Variants in FRAS1 observed in about 807,000 individuals in gnomAD.
The protein encoded by FRAS1 is extracellular matrix organizing protein FRAS1.
FRAS1 carries 290 observed loss-of-function variants against 435.2 expected under a neutral mutation model. That is an observed-to-expected ratio of 0.67 (90% confidence interval 0.61 to 0.73). The LOEUF (loss-of-function observed/expected upper bound fraction) is 0.73. FRAS1 is among the 30% of genes least tolerant of loss of function. The pLI, the probability that FRAS1 is intolerant of heterozygous loss-of-function variation, is 0.00. For missense variants in FRAS1, 4,860 were observed against 5,001.5 expected (o/e 0.97, Z 0.85); for synonymous variants, 1,800 against 1,851.0 (o/e 0.97, Z 0.71).
In FRAS1 at chr4:78,354,801, A is replaced by C. The variant is rs148927489; in HGVS notation, c.2423-8712A>C. 3.7e-3 allele frequency among the ~76,000 whole-genome samples: 561 copies of C among 152,354 alleles called. 9 individuals are homozygous for C. Among genetic ancestry groups the C allele is most frequent in the African/African-American group, 0.013 (530 of 41,578 alleles). ...ATCAGCTAAGGAGTCACTGCTCCATAAAACCAACATCCAAAGCCATTGCGT... is the reference window on the plus strand; with the variant it reads ...ATCAGCTAAGGAGTCACTGCTCCATCAAACCAACATCCAAAGCCATTGCGT... On this transcript the variant is annotated intron_variant, in intron 20 of 73. Coordinates refer to ENST00000512123, the MANE Select transcript of FRAS1 (RefSeq NM_025074.7).
chr4:78,473,998 AG>A (rs200288923), intron 53 of FRAS1, among the ~76,000 whole-genome samples: 3,759 of 152,300 alleles, frequency 0.025, 73 homozygotes, highest in Middle Eastern at 0.037. Flanking sequence ...TGTCTCTTCA[AG>A]TTTTAGAAGA....
chr4:78,288,918 C>T (rs899174329), intron 14 of FRAS1, among the ~76,000 whole-genome samples: 3 of 152,150 alleles, frequency 2.0e-5, no homozygotes, highest in Non-Finnish European at 4.4e-5. Context: ...CTAAACTTTT[C>T]AAAAAGAAGC....
chr4:78,427,526 G>A (rs913495695), intron 35 of FRAS1, among the ~76,000 whole-genome samples: 2 of 152,206 alleles, frequency 1.3e-5, no homozygotes, highest in East Asian at 1.9e-4. Context: ...AGAGACATCA[G>A]AGCATCCTGA....
At position 78,540,514 on chromosome 4, in the gene FRAS1, G is replaced by T. The variant is rs754232253; in HGVS notation, c.11446-17G>T. The T allele has an allele frequency of 2.7e-6, 4 of 1,465,258 alleles. No homozygotes were observed. Among genetic ancestry groups the T allele is most frequent in the South Asian group, 3.1e-5 (2 of 64,638 alleles). The allele number at this position is 1,465,258 out of a possible 1,614,324, so 90.8% of individuals were successfully genotyped here. A position where few individuals can be genotyped will look rare whatever the true frequency, so the allele number is the denominator to read the frequency against. ...GTCTGTGGGCAACAACAACATGTTC[G>T]GTTTGTCCCCCTGCAGGTGGAAGCA... On this transcript the variant is annotated splice_polypyrimidine_tract_variant and intron_variant, in intron 73 of 73. Transcript: ENST00000512123.
chr4:78,135,137 G>C (rs1230075211), intron 2 of FRAS1, among the ~76,000 whole-genome samples: 2 of 152,076 alleles, frequency 1.3e-5, no homozygotes, highest in African/African-American at 4.8e-5. Context: ...ACTTCCCCCT[G>C]CACTTGCAAA....
intron 2 of FRAS1, among the ~76,000 whole-genome samples, chr4:78,172,014 A>T (rs779207369): frequency 1.3e-5 from 2 of 152,114 alleles, no homozygotes; most frequent in African/African-American, 4.8e-5. Flanking sequence ...TCTTTACCTT[A>T]AATGCCTTTT....
intron 2 of FRAS1, among the ~76,000 whole-genome samples, chr4:78,214,878 C>T (rs2866993): frequency 0.64 from 97,295 of 152,002 alleles, 31,754 homozygotes; most frequent in South Asian, 0.84. Context: ...GGGACAAAAA[C>T]CAGCCTTCTT....
chr4:78,185,536 G>A (rs780405137), intron 2 of FRAS1, among the ~76,000 whole-genome samples: 2 of 152,034 alleles, frequency 1.3e-5, no homozygotes, highest in Non-Finnish European at 2.9e-5. Context: ...TTGAATATGA[G>A]TATTTTTTTA....
At chr4:78,523,437 T>C (rs1282389532) in intron 69 of FRAS1, among the ~76,000 whole-genome samples, 1 of 152,114 alleles carries the variant, frequency 6.6e-6, no homozygotes, top group Admixed American at 6.6e-5. Flanking sequence ...AGAGGTAGAA[T>C]AGGAATTTAA....
At chr4:78,310,467 A>G (rs1728971042) in intron 15 of FRAS1, among the ~76,000 whole-genome samples, 1 of 152,220 alleles carries the variant, frequency 6.6e-6, no homozygotes, top group Non-Finnish European at 1.5e-5. Flanking sequence ...ATCTGTACAC[A>G]TTTTGAAAAA....
rs1730022739 is a variant in FRAS1, at chr4:78,333,393, C to G, written c.2259C>G (p.His753Gln). 1 of 1,611,500 alleles carries G rather than the reference C, an allele frequency of 6.2e-7. No individual in the cohort carries two copies. The highest frequency in any genetic ancestry group is 8.5e-7 in the Non-Finnish European group (1 of 1,178,906). Residue 753 changes from histidine to glutamine, a missense_variant, in exon 19 of 74, where the codon CAC becomes CAG. Coordinates refer to ENST00000512123, the MANE Select transcript of FRAS1 (RefSeq NM_025074.7). ...CCCAGTGCCCAGATGGCTACTTTCA[C>G]CAGGAAGGTAGTTGCACAGGTGAGT... ...CLSQCPDGYF[H>Q]QEGSCTECHP...
At chr4:78,358,973 T>C (rs2110290559) in intron 20 of FRAS1, among the ~76,000 whole-genome samples, 1 of 152,344 alleles carries the variant, frequency 6.6e-6, no homozygotes, top group South Asian at 2.1e-4. Context: ...TGTAAAATTG[T>C]ATAGAAAAAG....
intron 2 of FRAS1, among the ~76,000 whole-genome samples, chr4:78,075,915 G>A (rs923162017): frequency 6.6e-6 from 1 of 152,150 alleles, no homozygotes; most frequent in African/African-American, 2.4e-5. Flanking sequence ...ATGTAACACT[G>A]AGAAGGGATT....
At position 78,324,268 on chromosome 4, in the gene FRAS1, T is replaced by A. The variant is rs550549725; in HGVS notation, c.2137+5282T>A. Among the ~76,000 whole-genome samples, 6 of 152,330 alleles carry A rather than the reference T, an allele frequency of 3.9e-5. No homozygotes were observed. In the East Asian group the frequency reaches 1.2e-3, roughly 29 times the overall value. On this transcript the variant is annotated intron_variant, in intron 18 of 73. Transcript: ENST00000512123. ...TCAGGCTTTAGCAAGTTTTAAAAAA[T>A]GAATAATTTTTATAGTATAAGCATA...
intron 20 of FRAS1, among the ~76,000 whole-genome samples, chr4:78,354,417 G>A (rs1189253867): frequency 6.6e-6 from 1 of 152,178 alleles, no homozygotes; most frequent in East Asian, 1.9e-4. Context: ...TACATGATTT[G>A]TAACAGCTTA....
intron 20 of FRAS1, among the ~76,000 whole-genome samples, chr4:78,360,520 G>A (rs1025645851): frequency 1.3e-5 from 2 of 152,128 alleles, no homozygotes; most frequent in African/African-American, 2.4e-5. Context: ...AAGAATATAG[G>A]TGTAGGCATT....
chr4:78,419,675 A>G (rs1271453828), intron 33 of FRAS1, among the ~76,000 whole-genome samples: 2 of 152,186 alleles, frequency 1.3e-5, no homozygotes, highest in Non-Finnish European at 2.9e-5. Flanking sequence ...ATATTGGTAT[A>G]AAGAAATAGC....
At chr4:78,369,758 C>T in intron 22 of FRAS1, 80 bp from the exon 23 acceptor site, 1 of 1,307,692 alleles carries the variant, frequency 7.6e-7, no homozygotes, top group Non-Finnish European at 1.0e-6. Context: ...TGTTCCTATG[C>T]AACATCTGTC....
chr4:78,091,578 T>G (rs1280037395), intron 2 of FRAS1, among the ~76,000 whole-genome samples: 1 of 151,958 alleles, frequency 6.6e-6, no homozygotes, highest in African/African-American at 2.4e-5. Context: ...AAAAGGGCAT[T>G]GCTTTCAAAC....
Sources: gnomAD v4.1 joint callset for allele counts (sites outside exome capture counted in the v4.1 genomes callset) on GRCh38, gnomAD v4.1.1 for gene constraint, MANE v1.5 for transcripts, NCBI Gene and HGNC (gene_info 2026-07-23, HGNC 2026-07-21) for gene names.